Variants in NOTCH3 observed in about 807,000 individuals in gnomAD.
NOTCH3 encodes the protein neurogenic locus notch homolog protein 3.
Under a neutral mutation model 213.3 loss-of-function variants are expected in NOTCH3, and 86 were observed. The ratio of observed to expected loss-of-function variants is 0.40; its 90% confidence interval spans 0.34 to 0.48. NOTCH3 has a LOEUF of 0.48. Ranked by LOEUF, NOTCH3 falls within the 20% of genes least tolerant of loss-of-function variation. The pLI is 0.57. For synonymous variants in NOTCH3, 1,354 were observed against 1,355.9 expected, an observed-to-expected ratio of 1.00 and a Z score of 0.03; for missense variants, 2,783 against 3,272.6, an observed-to-expected ratio of 0.85 and a Z score of 3.65.
Position 15,197,509 on chromosome 19 carries a change from G to A in NOTCH3, c.188C>T (p.Ala63Val). The A allele has an allele frequency of 6.6e-7, 1 of 1,511,094 alleles. No individual in the cohort carries two copies. The allele number at this position is 1,511,094 out of a possible 1,614,324, so 93.6% of individuals were successfully genotyped here. A position where few individuals can be genotyped will look rare whatever the true frequency, so the allele number is the denominator to read the frequency against. ...TGAGCCAGGCACTCACAGGCAGGCAGCCTCCCGGGAGGGCAGCTGGGTGCA... is the reference window on the plus strand; with the variant it reads ...TGAGCCAGGCACTCACAGGCAGGCAACCTCCCGGGAGGGCAGCTGGGTGCA... ...GRCTQLPSRE[A>V]ACLCPPGWVG... Residue 63 changes from alanine (A) to valine (V), a missense_variant, in exon 2 of 33, where the codon GCT becomes GTT. Ala to Val is a moderately conservative substitution (Grantham distance 64, BLOSUM62 0). Around this residue, in one of 6 missense-constraint regions of NOTCH3, gnomAD observed 708 missense variants for 906.6 expected, o/e 0.78. Transcript: ENST00000263388.
rs114499400 is a variant in NOTCH3 at position 15,185,358 on chromosome 19, C to G, written c.2195G>C (p.Ser732Thr). Reference protein sequence around the residue: ...PGWSGPRCSQSLARDACESQP... With the variant: ...PGWSGPRCSQTLARDACESQP... Reference sequence around the variant, plus strand: ...GGACTCACAGGCGTCTCGGGCCAGGCTCTGGCTGCAGCGGGGGCCACTCCA... The same window carrying G: ...GGACTCACAGGCGTCTCGGGCCAGGGTCTGGCTGCAGCGGGGGCCACTCCA... Residue 732 changes from serine (S) to threonine (T), a missense_variant, in exon 14 of 33, where the codon AGC becomes ACC. This residue lies in a region of NOTCH3 where 861 missense variants were observed against 909.1 expected (regional missense o/e 0.95). Coordinates refer to ENST00000263388, the MANE Select transcript of NOTCH3 (RefSeq NM_000435.3). This position sits in a 1 kb window ranked among gnomAD's most constrained non-coding sequence, Gnocchi z 4.2. 3 of 1,612,596 alleles carry G rather than the reference C, an allele frequency of 1.9e-6. No homozygotes were observed. In the African/African-American group the frequency reaches 4.0e-5, roughly 22 times the overall value.
At chr19:15,176,848 G>A (rs1191841423) in intron 24 of NOTCH3, among the ~76,000 whole-genome samples, 5 of 150,866 alleles carry the variant, frequency 3.3e-5, no homozygotes, top group East Asian at 2.0e-4. Context: ...CAAGGCGGGC[G>A]GATCACAAGG....
At chr19:15,169,192 C>G (rs1043602443) in intron 28 of NOTCH3, among the ~76,000 whole-genome samples, 6 of 2,774 alleles carry the variant, frequency 2.2e-3, no homozygotes, top group African/African-American at 7.6e-3. Context: ...ATCTGTCTCT[C>G]TCTCTCTCTC....
chr19:15,184,750 C>A (rs548073330), intron 15 of NOTCH3, among the ~76,000 whole-genome samples, 156 bp downstream of exon 15: 175 of 152,342 alleles, frequency 1.1e-3, no homozygotes, highest in Middle Eastern at 6.8e-3. Flanking sequence ...CCCACACAGG[C>A]TGCATATCAG....
chr19:15,187,922 C>G lies in NOTCH3; in HGVS notation c.1565G>C (p.Cys522Ser). ...ASTPCRNGAK[C>S]VDQPDGYECR... ...CTCGTAGCCATCGGGCTGGTCCACGCATTTGGCGCCATTCCTGCAGGGCGT... is the reference window on the plus strand; with the variant it reads ...CTCGTAGCCATCGGGCTGGTCCACGGATTTGGCGCCATTCCTGCAGGGCGT... Residue 522 changes from cysteine to serine, a missense_variant, in exon 10 of 33, where the codon TGC (cysteine) becomes TCC (serine). Transcript: ENST00000263388. The G allele has an allele frequency of 6.5e-7, 1 of 1,550,078 alleles. No homozygotes were observed. The highest frequency in any genetic ancestry group is 8.7e-7 in the Non-Finnish European group (1 of 1,146,986).
chr19:15,187,352 A>C lies in NOTCH3; in HGVS notation c.1607-14T>G. On this transcript the variant is annotated splice_polypyrimidine_tract_variant and intron_variant, in intron 10 of 32. Transcript: ENST00000263388. ...TGCCCTCAAAGCCTGTGGGGCCAAGAGGGTCAGGCTCCGCCCACTTGCCAG... is the reference window on the plus strand; with the variant it reads ...TGCCCTCAAAGCCTGTGGGGCCAAGCGGGTCAGGCTCCGCCCACTTGCCAG... 1 of 1,610,046 alleles carries C rather than the reference A, an allele frequency of 6.2e-7. No homozygotes were observed. Among genetic ancestry groups the C allele is most frequent in the Non-Finnish European group, 8.5e-7 (1 of 1,178,046 alleles).
At chr19:15,171,977 A>G (rs942656142) in intron 25 of NOTCH3, among the ~76,000 whole-genome samples, 1 of 151,138 alleles carries the variant, frequency 6.6e-6, no homozygotes, top group Non-Finnish European at 1.5e-5. Context: ...GCTCGCCACA[A>G]CCTCCACGTC....
intron 2 of NOTCH3, among the ~76,000 whole-genome samples, chr19:15,192,744 G>A (rs1023696982): frequency 2.0e-5 from 3 of 152,112 alleles, no homozygotes; most frequent in Non-Finnish European, 2.9e-5. Context: ...GTGTAACCCC[G>A]TCTCTACTAA....
rs916038846 is a variant in NOTCH3 at position 15,185,136 on chromosome 19, T to G, written c.2297-117A>C. 3 of 1,359,526 alleles carry G rather than the reference T, an allele frequency of 2.2e-6. No homozygotes were observed. Among genetic ancestry groups the G allele is most frequent in the Non-Finnish European group, 3.1e-6 (3 of 968,568 alleles). 84.2% of individuals were successfully genotyped at this position (1,359,526 alleles called of 1,614,324 possible). A position where few individuals can be genotyped will look rare whatever the true frequency, so the allele number is the denominator to read the frequency against. ...CCTTGATACCCACCTCCCAAGCTCC[T>G]GGAGGGAAATGATTGAAAGCAAAAA... On this transcript the variant is annotated intron_variant, in intron 14 of 32. Transcript: ENST00000263388. This position sits in a 1 kb window ranked among gnomAD's most constrained non-coding sequence, Gnocchi z 4.2.
intron 25 of NOTCH3, among the ~76,000 whole-genome samples, chr19:15,172,102 G>T (rs2046739634): frequency 6.6e-6 from 1 of 152,024 alleles, no homozygotes; most frequent in Non-Finnish European, 1.5e-5. Context: ...CTCCATGTTG[G>T]TCAGGCTGGT....
chr19:15,187,762 T>C, intron 10 of NOTCH3, 119 bp downstream of exon 10: 2 of 805,166 alleles, frequency 2.5e-6, no homozygotes, highest in Non-Finnish European at 2.1e-6. Flanking sequence ...CCCAACTCTG[T>C]CACTGGGTCC....
chr19:15,177,252 A>G (rs796411003), intron 24 of NOTCH3, among the ~76,000 whole-genome samples: 42 of 120,256 alleles, frequency 3.5e-4, no homozygotes, highest in African/African-American at 1.3e-3. Flanking sequence ...CCATCTCGGG[A>G]AAAAAAAAAA....
rs754104109 is a variant in NOTCH3, at chr19:15,197,536, C to T, written c.161G>A (p.Arg54His). 5.0e-6 allele frequency: 8 copies of T among 1,609,460 alleles called. No individual in the cohort carries two copies. Among genetic ancestry groups the T allele is most frequent in the South Asian group, 1.1e-5 (1 of 90,910 alleles). ...LDGSPCANGG[R>H]CTQLPSREAA... ...CTCCCGGGAGGGCAGCTGGGTGCAACGACCTCCATTTGCACACGGGCTTCC... is the reference window on the plus strand; with the variant it reads ...CTCCCGGGAGGGCAGCTGGGTGCAATGACCTCCATTTGCACACGGGCTTCC... Residue 54 changes from arginine to histidine, a missense_variant, in exon 2 of 33, where the codon CGT becomes CAT. Physicochemically the swap from Arg to His is conservative, Grantham distance 29 (BLOSUM62 0). Coordinates refer to ENST00000263388, the MANE Select transcript of NOTCH3 (RefSeq NM_000435.3).
chr19:15,187,586 C>T (rs1296251810), intron 10 of NOTCH3, among the ~76,000 whole-genome samples: 1 of 151,762 alleles, frequency 6.6e-6, no homozygotes, highest in African/African-American at 2.4e-5. Context: ...GCCCCACCTC[C>T]AGCCCTGTTT....
In NOTCH3 at chr19:15,160,825, T is replaced by C; in HGVS notation, c.6803A>G (p.Glu2268Gly). 3 of 1,613,944 alleles carry C rather than the reference T, an allele frequency of 1.9e-6. No individual in the cohort carries two copies. In the East Asian group the frequency reaches 6.7e-5, roughly 36 times the overall value. ...PSPPSLSDWS[E>G]STPSPATATG... ...GGCAGTGGCTGGGCTAGGCGTGGAT[T>C]CGGACCAGTCTGAGAGGGAGGGAGG... The change falls in exon 33 of 33, where the codon GAA (glutamate) becomes GGA (glycine). Residue 2268 changes from glutamate to glycine, a missense_variant. This residue lies in a region of NOTCH3 where 441 missense variants were observed against 432.1 expected (regional missense o/e 1.02). Transcript: ENST00000263388.
At chr19:15,196,186 C>T (rs1195545960) in intron 2 of NOTCH3, among the ~76,000 whole-genome samples, 2 of 152,210 alleles carry the variant, frequency 1.3e-5, no homozygotes, top group East Asian at 3.9e-4. Flanking sequence ...GCTCCGGGCG[C>T]CGCGCGCGCC....
intron 16 of NOTCH3, among the ~76,000 whole-genome samples, chr19:15,182,222 A>T (rs2145424946): frequency 1.3e-5 from 2 of 152,328 alleles, no homozygotes; most frequent in South Asian, 4.1e-4. Flanking sequence ...GAAAAAAAAA[A>T]TAGGCTGGGC....
intron 6 of NOTCH3, among the ~76,000 whole-genome samples, chr19:15,191,065 ACT>A (rs1023395929): frequency 7.1e-6 from 1 of 140,210 alleles, no homozygotes; most frequent in African/African-American, 2.7e-5. Flanking sequence ...AAGGAGTCTC[ACT>A]CTGTCACCCA....
rs983424478 is a variant in NOTCH3 at position 15,184,146 on chromosome 19, A to T, written c.2566+149T>A. 4.9e-5 allele frequency: 39 copies of T among 796,674 alleles called. 1 individual carries two copies. In the South Asian group the frequency reaches 5.5e-4, roughly 11 times the overall value. The allele number at this position is 796,674 out of a possible 1,614,324, so 49.4% of individuals were successfully genotyped here. A position where few individuals can be genotyped will look rare whatever the true frequency, so the allele number is the denominator to read the frequency against. Reference sequence around the variant, plus strand: ...ATGGGCTTGCACAAGAAGTCACTCAACCTCCTCGGGCCTCAGTTTCCATAT... The same window carrying T: ...ATGGGCTTGCACAAGAAGTCACTCATCCTCCTCGGGCCTCAGTTTCCATAT... On this transcript the variant is annotated intron_variant, in intron 16 of 32. Coordinates refer to ENST00000263388, the MANE Select transcript of NOTCH3 (RefSeq NM_000435.3).
Sources: gnomAD v4.1 joint callset for allele counts (sites outside exome capture counted in the v4.1 genomes callset) on GRCh38, gnomAD v4.1.1 for gene constraint, gnomAD v4.1.1 regional missense constraint, Gnocchi (gnomAD v3.1) non-coding constraint, MANE v1.5 for transcripts, NCBI Gene and HGNC (gene_info 2026-07-23, HGNC 2026-07-21) for gene names.